The following AP2A2 variants were observed in gnomAD, a reference collection of about 807,000 sequenced individuals.
The protein encoded by AP2A2 is adaptor related protein complex 2 subunit alpha 2, also known as AP-2 complex subunit alpha-2.
Under a neutral mutation model 104.2 loss-of-function variants are expected in AP2A2, and 32 were observed. That is an observed-to-expected ratio of 0.31 (90% CI 0.23 to 0.41). The LOEUF (loss-of-function observed/expected upper bound fraction) is 0.41. Ranked by LOEUF, AP2A2 falls within the 10% of genes least tolerant of loss-of-function variation. The pLI, the probability that AP2A2 is intolerant of heterozygous loss-of-function variation, is 1.00. For synonymous variants in AP2A2, 539 were observed against 533.3 expected, an observed-to-expected ratio of 1.01 and a Z score of -0.15; for missense variants, 912 against 1,261.0, an observed-to-expected ratio of 0.72 and a Z score of 4.19.
intron 1 of AP2A2, among the ~76,000 whole-genome samples, chr11:926,800 C>CTCAG (rs1197132299): frequency 6.6e-6 from 1 of 152,208 alleles, no homozygotes; most frequent in Non-Finnish European, 1.5e-5. Context: ...AGACCTCGTT[C>CTCAG]TCAGCCCCGT....
intron 3 of AP2A2, 150 bp from the exon 4 acceptor site, chr11:971,912 G>A: frequency 1.4e-6 from 1 of 709,826 alleles, no homozygotes; most frequent in Non-Finnish European, 2.3e-6. Context: ...CGAATCCTGA[G>A]AGGCGCCGCT....
At chr11:984,520 C>T (rs1855380449) in intron 6 of AP2A2, 125 bp from the exon 7 acceptor site, 2 of 812,588 alleles carry the variant, frequency 2.5e-6, no homozygotes, top group Admixed American at 2.0e-5. Context: ...ACACTCTTGG[C>T]ACATGAAACA....
At chr11:938,659 A>G (rs1459900335) in intron 1 of AP2A2, among the ~76,000 whole-genome samples, 1 of 151,840 alleles carries the variant, frequency 6.6e-6, no homozygotes, top group Non-Finnish European at 1.5e-5. Flanking sequence ...TATTTTTAGT[A>G]GAGACGGGGT....
chr11:930,925 C>T (rs765112880), intron 1 of AP2A2, among the ~76,000 whole-genome samples: 10 of 152,156 alleles, frequency 6.6e-5, no homozygotes, highest in Non-Finnish European at 1.2e-4. Context: ...TTCGTTAGAT[C>T]GACATGCACG....
intron 1 of AP2A2, among the ~76,000 whole-genome samples, chr11:928,091 A>G (rs922978503): frequency 1.3e-5 from 2 of 152,208 alleles, no homozygotes; most frequent in African/African-American, 2.4e-5. Context: ...CCCACTTGTC[A>G]GATATATTGT....
chr11:1,002,233 G>T (rs570178301), intron 15 of AP2A2, among the ~76,000 whole-genome samples: 7 of 152,360 alleles, frequency 4.6e-5, no homozygotes, highest in Non-Finnish European at 7.3e-5. Context: ...AAACTCCGTG[G>T]CCCCTCGCGT....
intron 10 of AP2A2, among the ~76,000 whole-genome samples, chr11:989,395 T>C (rs962907342): frequency 4.6e-5 from 7 of 151,798 alleles, no homozygotes; most frequent in African/African-American, 1.7e-4. Context: ...GTCCTTGCAG[T>C]GGTGGCACTG....
At chr11:977,525 G>C (rs1448707986) in intron 5 of AP2A2, among the ~76,000 whole-genome samples, 1 of 147,208 alleles carries the variant, frequency 6.8e-6, no homozygotes, top group African/African-American at 2.5e-5. Context: ...GCTCCTGCCT[G>C]GTGTCCCGGC....
At chr11:988,119 G>C (rs1855524756) in intron 9 of AP2A2, among the ~76,000 whole-genome samples, 1 of 152,240 alleles carries the variant, frequency 6.6e-6, no homozygotes, top group Non-Finnish European at 1.5e-5. Context: ...AGAGCCTCCT[G>C]GGGGCCCATC....
chr11:925,962 C>G lies in AP2A2; in HGVS notation c.-60C>G. The G allele has an allele frequency of 7.6e-7, 1 of 1,310,262 alleles. No homozygotes were observed. The highest frequency in any genetic ancestry group is 1.0e-6 in the Non-Finnish European group (1 of 1,000,200). 81.2% of individuals were successfully genotyped at this position (1,310,262 alleles called of 1,614,324 possible). Reference sequence around the variant, plus strand: ...TGACGGCGACCGCACTCCCCGCTTCCCGCTCCCCGCGCTCCTCCGCCCGGG... The same window carrying G: ...TGACGGCGACCGCACTCCCCGCTTCGCGCTCCCCGCGCTCCTCCGCCCGGG... On this transcript the variant is annotated 5_prime_UTR_variant, in exon 1 of 22. Coordinates refer to ENST00000448903, the MANE Select transcript of AP2A2 (RefSeq NM_012305.4).
intron 2 of AP2A2, among the ~76,000 whole-genome samples, chr11:960,059 C>A (rs1344470362): frequency 1.3e-5 from 2 of 152,160 alleles, no homozygotes; most frequent in African/African-American, 2.4e-5. Context: ...CCTGGCTCAC[C>A]TCCCTGAGCA....
chr11:932,489 C>G (rs1362645601), intron 1 of AP2A2, among the ~76,000 whole-genome samples: 1 of 152,216 alleles, frequency 6.6e-6, no homozygotes, highest in East Asian at 1.9e-4. Context: ...TCTGCTTTTG[C>G]ATTTCTTAAA....
intron 2 of AP2A2, among the ~76,000 whole-genome samples, chr11:962,867 C>T (rs1225540413): frequency 3.9e-5 from 6 of 152,162 alleles, no homozygotes; most frequent in East Asian, 1.9e-4. Context: ...TTGTTGAGCA[C>T]GCGCGTACCC....
intron 16 of AP2A2, among the ~76,000 whole-genome samples, chr11:1,004,445 C>T (rs796497119): frequency 4.6e-5 from 7 of 152,134 alleles, no homozygotes; most frequent in African/African-American, 1.7e-4. Context: ...TGCACTACAG[C>T]CTGGGCAACA....
In AP2A2 at chr11:992,217, G is replaced by T. The variant is rs1261255028; in HGVS notation, c.1270-286G>T. Among the ~76,000 whole-genome samples, 1 of 152,194 alleles carries T rather than the reference G, an allele frequency of 6.6e-6. No homozygotes were observed. The highest frequency in any genetic ancestry group is 1.5e-5 in the Non-Finnish European group (1 of 68,028). ...AGGAGTGCTGCCGCCAGGTGCTGGG[G>T]CTTTGGGAGAGAAGGGCCCAGGTGG... On this transcript the variant is annotated intron_variant, in intron 10 of 21. Transcript: ENST00000448903. The surrounding 1 kb of genome is among the most constrained non-coding windows in gnomAD (Gnocchi z 6.4).
At chr11:936,648 A>G (rs1003390558) in intron 1 of AP2A2, among the ~76,000 whole-genome samples, 12 of 151,998 alleles carry the variant, frequency 7.9e-5, no homozygotes, top group Non-Finnish European at 1.5e-4. Context: ...TCAGCCTCCC[A>G]AAGTGCTAGA....
At chr11:985,733 T>C in intron 8 of AP2A2, 151 bp downstream of exon 8, 1 of 1,165,070 alleles carries the variant, frequency 8.6e-7, no homozygotes, top group Admixed American at 2.5e-5. Context: ...ATGCTTTTTT[T>C]CTTTCTGTGC....
chr11:998,527 A>AT (rs1210523022), intron 14 of AP2A2, among the ~76,000 whole-genome samples: 5 of 151,992 alleles, frequency 3.3e-5, no homozygotes, highest in African/African-American at 4.8e-5. Flanking sequence ...TTACAAACTA[A>AT]TTTTTTACCT....
chr11:978,963 C>T (rs1445694927), intron 5 of AP2A2, among the ~76,000 whole-genome samples: 3 of 152,028 alleles, frequency 2.0e-5, no homozygotes, highest in Non-Finnish European at 4.4e-5. Context: ...GGTCTGTAGC[C>T]TGAGGGTGGC....
Sources: gnomAD v4.1 joint callset for allele counts (sites outside exome capture counted in the v4.1 genomes callset) on GRCh38, gnomAD v4.1.1 for gene constraint, Gnocchi (gnomAD v3.1) non-coding constraint, MANE v1.5 for transcripts, NCBI Gene and HGNC (gene_info 2026-07-23, HGNC 2026-07-21) for gene names.